GALNT2: variants seen among roughly 807,000 people sequenced by gnomAD.
GALNT2 encodes UDP-GalNAc:polypeptide N-acetylgalactosaminyltransferase 2.
GALNT2 carries 31 observed loss-of-function variants against 81.4 expected under a neutral mutation model. The ratio of observed to expected loss-of-function variants is 0.38; its 90% CI spans 0.29 to 0.51. The LOEUF is 0.51. Ranked by LOEUF, GALNT2 falls within the 20% of genes least tolerant of loss-of-function variation. The pLI, the probability that GALNT2 is intolerant of heterozygous loss-of-function variation, is 0.87. For synonymous variants in GALNT2, 303 were observed against 287.4 expected (o/e 1.05, Z -0.55); for missense variants, 629 against 765.7 (o/e 0.82, Z 2.11).
At chr1:230,073,263 G>T (rs938771978) in intron 1 of GALNT2, among the ~76,000 whole-genome samples, 5 of 152,182 alleles carry the variant, frequency 3.3e-5, no homozygotes, top group Admixed American at 3.3e-4. Context: ...CCCTGTGCTT[G>T]ATCTTCATGA....
chr1:230,190,267 G>C (rs988870416), intron 2 of GALNT2, among the ~76,000 whole-genome samples: 3 of 152,202 alleles, frequency 2.0e-5, no homozygotes, highest in African/African-American at 7.2e-5. Context: ...CTCCCACTGC[G>C]TGTTCCTCCA....
rs1665672341 is a variant in GALNT2, at chr1:230,255,237, G to A, written c.1029G>A (p.Trp343Ter). Residue 343 changes from tryptophan (W) to a stop codon, truncating the protein, a stop_gained, in exon 11 of 16, where the codon TGG becomes TGA. Transcript: ENST00000366672. LOFTEE classifies it high-confidence loss of function. ...GENLEISFRVWQCGGSLEIIP... is the reference protein window; with the variant it reads ...GENLEISFRV Reference sequence around the variant, plus strand: ...TCTCAGAGATCTCGTTCCGCGTGTGGCAGTGTGGTGGCAGCCTGGAGATCA... The same window carrying A: ...TCTCAGAGATCTCGTTCCGCGTGTGACAGTGTGGTGGCAGCCTGGAGATCA... 6.2e-7 allele frequency: 1 copy of A among 1,614,094 alleles called. No individual in the cohort carries two copies. Among genetic ancestry groups the A allele is most frequent in the African/African-American group, 1.3e-5 (1 of 74,930 alleles).
chr1:230,075,166 C>G (rs1659500683), intron 1 of GALNT2, among the ~76,000 whole-genome samples: 1 of 135,998 alleles, frequency 7.4e-6, no homozygotes, highest in Non-Finnish European at 1.5e-5. Flanking sequence ...CACTCTGTCG[C>G]CCAGGCTGGA....
intron 8 of GALNT2, among the ~76,000 whole-genome samples, chr1:230,247,232 CAT>C (rs1665402133): frequency 6.6e-6 from 1 of 152,182 alleles, no homozygotes; most frequent in South Asian, 2.1e-4. Flanking sequence ...TACACACACA[CAT>C]ATGTGTGCAA....
intron 7 of GALNT2, among the ~76,000 whole-genome samples, chr1:230,244,326 G>C (rs1047812002): frequency 3.3e-5 from 5 of 151,946 alleles, no homozygotes; most frequent in Non-Finnish European, 7.4e-5. Flanking sequence ...AAACAGGCTG[G>C]GGTTCAGGGA....
intron 1 of GALNT2, among the ~76,000 whole-genome samples, chr1:230,089,312 G>GTT (rs1659990509): frequency 6.6e-6 from 1 of 151,606 alleles, no homozygotes. Context: ...ATGCCCGGCT[G>GTT]TTTTTTGCGT....
chr1:230,114,507 G>A (rs1348692508), intron 1 of GALNT2, among the ~76,000 whole-genome samples: 1 of 152,236 alleles, frequency 6.6e-6, no homozygotes, highest in African/African-American at 2.4e-5. Context: ...AGGTAGGAGG[G>A]ATTCTCAGCG....
At chr1:230,164,245 C>T (rs144029098) in intron 1 of GALNT2, among the ~76,000 whole-genome samples, 2 of 152,278 alleles carry the variant, frequency 1.3e-5, no homozygotes, top group African/African-American at 2.4e-5. Context: ...GAAGGGCCGT[C>T]GGGCCCATGG....
intron 1 of GALNT2, among the ~76,000 whole-genome samples, chr1:230,132,764 T>A (rs765293961): frequency 6.6e-6 from 1 of 152,234 alleles, no homozygotes; most frequent in Non-Finnish European, 1.5e-5. Flanking sequence ...CTATATTAGT[T>A]GTTTCTCTTC....
At chr1:230,196,392 C>T (rs981225635) in intron 2 of GALNT2, among the ~76,000 whole-genome samples, 1 of 152,166 alleles carries the variant, frequency 6.6e-6, no homozygotes, top group Non-Finnish European at 1.5e-5. Flanking sequence ...TGTTAATTTC[C>T]GTACATTTGC....
chr1:230,242,491 GACC>G (rs1665231530), intron 6 of GALNT2, among the ~76,000 whole-genome samples: 1 of 152,020 alleles, frequency 6.6e-6, no homozygotes, highest in South Asian at 2.1e-4. Context: ...AGCCATTTAT[GACC>G]ACAACATCCA....
At chr1:230,162,502 A>T (rs961575345) in intron 1 of GALNT2, among the ~76,000 whole-genome samples, 2 of 152,178 alleles carry the variant, frequency 1.3e-5, no homozygotes, top group African/African-American at 4.8e-5. Flanking sequence ...TCCAGCTGCC[A>T]GTCTCCTTCT....
intron 1 of GALNT2, among the ~76,000 whole-genome samples, chr1:230,125,494 G>A (rs1661146334): frequency 1.3e-5 from 2 of 152,230 alleles, no homozygotes; most frequent in South Asian, 4.1e-4. Context: ...CGTTTGGATC[G>A]TGAGTCTTTC....
At chr1:230,270,475 A>G (rs185515194) in intron 14 of GALNT2, among the ~76,000 whole-genome samples, 1 of 152,250 alleles carries the variant, frequency 6.6e-6, no homozygotes, top group African/African-American at 2.4e-5. Context: ...GGCACTTGAA[A>G]TATGACTAGT....
chr1:230,222,217 G>A (rs373153311), intron 3 of GALNT2, among the ~76,000 whole-genome samples: 238 of 151,642 alleles, frequency 1.6e-3, no homozygotes, highest in African/African-American at 5.5e-3. Flanking sequence ...TAGTAGAGAC[G>A]GGGTTTCACC....
In GALNT2 at chr1:230,233,328, A is replaced by G. The variant is rs552835320; in HGVS notation, c.375-2686A>G. Among the ~76,000 whole-genome samples, 4 of 152,338 alleles carry G rather than the reference A, an allele frequency of 2.6e-5. No individual in the cohort carries two copies. The South Asian group carries it at 6.2e-4, about 24-fold the overall frequency. ...ATATTAAGAGCTACAGTGGGCTTAT[A>G]TTAGGGCCAGGCACAGTGGCTCACG... On this transcript the variant is annotated intron_variant, in intron 3 of 15. Transcript: ENST00000366672.
chr1:230,078,248 A>G (rs545927813), intron 1 of GALNT2, among the ~76,000 whole-genome samples: 2 of 152,354 alleles, frequency 1.3e-5, no homozygotes, highest in African/African-American at 4.8e-5. Context: ...TTGAAGAACA[A>G]TACAAACTGT....
intron 3 of GALNT2, among the ~76,000 whole-genome samples, chr1:230,207,435 A>C (rs935904776): frequency 7.9e-5 from 12 of 152,184 alleles, no homozygotes; most frequent in Admixed American, 6.5e-4. Flanking sequence ...ACTCTGGGCT[A>C]TGCTTTATTT....
chr1:230,113,367 G>A (rs1036035116), intron 1 of GALNT2, among the ~76,000 whole-genome samples: 2 of 152,052 alleles, frequency 1.3e-5, no homozygotes, highest in Non-Finnish European at 2.9e-5. Context: ...TCCAGTTTGC[G>A]CAGCACTTAC....
Sources: allele counts gnomAD v4.1 joint callset (sites outside exome capture counted in the v4.1 genomes callset), GRCh38; gene constraint gnomAD v4.1.1; transcripts MANE v1.5; gene names NCBI Gene and HGNC (gene_info 2026-07-23, HGNC 2026-07-21).